The following CCDC69 variants were observed in gnomAD, a reference collection of about 807,000 sequenced individuals.
CCDC69 encodes coiled-coil domain-containing protein 69.
CCDC69 carries 38 observed loss-of-function variants against 40.3 expected under a neutral mutation model. The ratio of observed to expected loss-of-function variants is 0.94; its 90% confidence interval spans 0.73 to 1.24. The LOEUF (loss-of-function observed/expected upper bound fraction) is 1.24. Ranked by LOEUF, CCDC69 falls within the 50% of genes most tolerant of loss-of-function variation. The pLI is 0.00. For missense variants in CCDC69, 389 were observed against 357.9 expected (o/e 1.09, Z -0.70); for synonymous variants, 141 against 138.9 (o/e 1.02, Z -0.11).
intron 1 of CCDC69, 122 bp from the exon 2 acceptor site, chr5:151,205,597 C>A: frequency 1.3e-6 from 1 of 787,088 alleles, no homozygotes; most frequent in Admixed American, 2.7e-5. Context: ...CAGACCCTGC[C>A]CCACGCCTGC....
chr5:151,182,783 G>A lies in CCDC69; in HGVS notation c.*654C>T. ...GTGGACACGACTCTGGCCCAGGAAT[G>A]ATGCCTCAGCTGGGGAGGCTGCCTG... On this transcript the variant is annotated 3_prime_UTR_variant, in exon 9 of 9. Coordinates refer to ENST00000355417, the MANE Select transcript of CCDC69 (RefSeq NM_015621.3). 2 of 336,988 alleles carry A rather than the reference G, an allele frequency of 5.9e-6. No individual in the cohort carries two copies. The highest frequency in any genetic ancestry group is 1.2e-5 in the Non-Finnish European group (2 of 169,848). 20.9% of individuals were successfully genotyped at this position (336,988 alleles called of 1,614,324 possible).
intron 1 of CCDC69, 124 bp from the exon 2 acceptor site, chr5:151,205,599 C>T (rs943038196): frequency 5.2e-6 from 4 of 766,236 alleles, no homozygotes; most frequent in African/African-American, 5.2e-5. Context: ...GACCCTGCCC[C>T]ACGCCTGCGC....
chr5:151,203,817 TATATATAGTATATATATAAAATATATATC>T lies in CCDC69; in HGVS notation c.124+1554_124+1582del, dbSNP rs1328586206. On this transcript the variant is annotated intron_variant, in intron 2 of 8. Coordinates refer to ENST00000355417, the MANE Select transcript of CCDC69 (RefSeq NM_015621.3). The stretch of plus-strand genomic sequence containing the variant: ...TATATAGTATATATAATATATATCG[TATATATAGTATATATATAAAATATATATC>T]ATATATAGTATATATATAAAATATA... Among the ~76,000 whole-genome samples, 702 of 123,816 alleles carry T rather than the reference TATATATAGTATATATATAAAATATATATC, an allele frequency of 5.7e-3. 7 individuals are homozygous for T. Among genetic ancestry groups the T allele is most frequent in the African/African-American group, 0.023 (636 of 27,512 alleles). The allele number at this position is 123,816 out of a possible 152,430, so 81.2% of individuals were successfully genotyped here.
At chr5:151,218,194 A>G (rs1020104480) in intron 1 of CCDC69, among the ~76,000 whole-genome samples, 2 of 152,274 alleles carry the variant, frequency 1.3e-5, no homozygotes, top group African/African-American at 4.8e-5. Flanking sequence ...CAAGACAAAT[A>G]GGATGGCTTG....
chr5:151,223,088 C>T (rs141821420), intron 1 of CCDC69, among the ~76,000 whole-genome samples: 1,662 of 152,258 alleles, frequency 0.011, 34 homozygotes, highest in African/African-American at 0.038. Flanking sequence ...TTTGAGGGTC[C>T]TTCTTCCCCT....
chr5:151,195,735 A>AAC (rs1554089325), intron 4 of CCDC69, among the ~76,000 whole-genome samples: 5 of 150,380 alleles, frequency 3.3e-5, no homozygotes, highest in African/African-American at 1.2e-4. Context: ...AAAAAAAAAA[A>AAC]AAAACACGCA....
intron 1 of CCDC69, among the ~76,000 whole-genome samples, chr5:151,209,939 G>C (rs939937232): frequency 1.3e-5 from 2 of 151,992 alleles, no homozygotes; most frequent in Non-Finnish European, 2.9e-5. Context: ...GTACTAGTAG[G>C]CATTTGTTGT....
At chr5:151,187,097 T>TTCCACA (rs1752531638) in intron 5 of CCDC69, among the ~76,000 whole-genome samples, 1 of 152,230 alleles carries the variant, frequency 6.6e-6, no homozygotes, top group Non-Finnish European at 1.5e-5. Flanking sequence ...CACAGGTCCC[T>TTCCACA]GTGCATCCAC....
intron 1 of CCDC69, among the ~76,000 whole-genome samples, chr5:151,217,727 T>C (rs1266040284): frequency 2.6e-5 from 4 of 152,184 alleles, no homozygotes; most frequent in Non-Finnish European, 5.9e-5. Context: ...CTCTTCTTGT[T>C]GGGACACCAG....
In CCDC69 at chr5:151,185,260, G is replaced by A. The variant is rs1001360696; in HGVS notation, c.615+162C>T. ...AGGAGCCACTGCTTGACCCAGCCTG[G>A]CCACAGACCATGCTCAGTGGTCAGC... On this transcript the variant is annotated intron_variant, in intron 7 of 8. Coordinates refer to ENST00000355417, the MANE Select transcript of CCDC69 (RefSeq NM_015621.3). The A allele has an allele frequency of 7.1e-6, 5 of 707,556 alleles. No homozygotes were observed. In the African/African-American group the frequency reaches 8.9e-5, roughly 13 times the overall value. 43.8% of individuals were successfully genotyped at this position (707,556 alleles called of 1,614,324 possible).
At position 151,210,011 on chromosome 5, in the gene CCDC69, A is replaced by C. The variant is rs751793263; in HGVS notation, c.49-4536T>G. Among the ~76,000 whole-genome samples, 6 of 152,238 alleles carry C rather than the reference A, an allele frequency of 3.9e-5. No homozygotes were observed. The East Asian group carries it at 1.2e-3, about 29-fold the overall frequency. Reference sequence around the variant, plus strand: ...AATCTCACGACCCAGAGAGAACCCCATAACCTGGTGGCATATATTGTTCAT... The same window carrying C: ...AATCTCACGACCCAGAGAGAACCCCCTAACCTGGTGGCATATATTGTTCAT... On this transcript the variant is annotated intron_variant, in intron 1 of 8. Coordinates refer to ENST00000355417, the MANE Select transcript of CCDC69 (RefSeq NM_015621.3).
intron 4 of CCDC69, among the ~76,000 whole-genome samples, chr5:151,190,852 C>T (rs542332406): frequency 2.6e-5 from 4 of 151,490 alleles, no homozygotes; most frequent in South Asian, 2.1e-4. Context: ...TAAAGATCAG[C>T]GAGAACAAAC....
chr5:151,184,553 A>G, intron 7 of CCDC69, 112 bp from the exon 8 acceptor site: 1 of 647,032 alleles, frequency 1.5e-6, no homozygotes, highest in East Asian at 2.7e-5. Context: ...TCTAGACTAG[A>G]TGTTACATTT....
intron 4 of CCDC69, among the ~76,000 whole-genome samples, chr5:151,192,895 C>A (rs1209311209): frequency 6.7e-6 from 1 of 148,636 alleles, no homozygotes; most frequent in African/African-American, 2.5e-5. Context: ...CAGATTCAAC[C>A]AAGTGTGGAT....
chr5:151,212,447 C>T (rs1271338184), intron 1 of CCDC69, among the ~76,000 whole-genome samples: 1 of 152,152 alleles, frequency 6.6e-6, no homozygotes, highest in East Asian at 1.9e-4. Flanking sequence ...CAGAGCCCTG[C>T]AGTAGGTTCA....
intron 1 of CCDC69, among the ~76,000 whole-genome samples, chr5:151,218,636 C>T (rs1489712085): frequency 6.6e-6 from 1 of 152,194 alleles, no homozygotes; most frequent in East Asian, 1.9e-4. Flanking sequence ...GGGGGCAGCC[C>T]CTCCTAACCA....
rs758983621 is a variant in CCDC69, at chr5:151,185,426, G to A, written c.611C>T (p.Thr204Ile). 46 of 1,613,790 alleles carry A rather than the reference G, an allele frequency of 2.9e-5. No homozygotes were observed. The highest frequency in any genetic ancestry group is 3.6e-5 in the Non-Finnish European group (43 of 1,179,856). The change falls in exon 7 of 9, where the codon ACA becomes ATA. Residue 204 changes from threonine to isoleucine, a missense_variant. Physicochemically the swap from Thr to Ile is moderately conservative, Grantham distance 89. Coordinates refer to ENST00000355417, the MANE Select transcript of CCDC69 (RefSeq NM_015621.3). ...CAGCCACTCCCAGTCACAGACCACT[G>A]TTTCCATGAGGATCAGCCGCCTGTC... ...ELDRRLILME[T>I]VKEKNLILEE...
intron 1 of CCDC69, among the ~76,000 whole-genome samples, chr5:151,219,242 G>A (rs1582053473): frequency 6.6e-6 from 1 of 152,272 alleles, no homozygotes; most frequent in African/African-American, 2.4e-5. Context: ...TCCTGACCAG[G>A]TGTCAAGGGC....
chr5:151,218,585 G>T (rs1026943327), intron 1 of CCDC69, among the ~76,000 whole-genome samples: 1 of 152,216 alleles, frequency 6.6e-6, no homozygotes, highest in Non-Finnish European at 1.5e-5. Context: ...GCAGGTCTCA[G>T]ACTTCTGTTC....
Sources: gnomAD v4.1 joint callset for allele counts (sites outside exome capture counted in the v4.1 genomes callset) on GRCh38, gnomAD v4.1.1 for gene constraint, MANE v1.5 for transcripts, NCBI Gene and HGNC (gene_info 2026-07-23, HGNC 2026-07-21) for gene names.